PSMA1: variants seen among roughly 807,000 people sequenced by gnomAD.
PSMA1 encodes the protein proteasome 20S subunit alpha 1.
In PSMA1, 3 loss-of-function variants were observed where a neutral mutation model predicts 38.4. That is an observed-to-expected ratio of 0.08 (90% CI 0.04 to 0.20). The LOEUF (loss-of-function observed/expected upper bound fraction) is 0.20. Ranked by LOEUF, PSMA1 falls within the 10% of genes least tolerant of loss-of-function variation. The probability of loss-of-function intolerance (pLI) is 1.00; values close to 1 mark genes in which losing one functional copy is unlikely to be tolerated. For missense variants in PSMA1, 227 were observed against 325.3 expected, an observed-to-expected ratio of 0.70 and a Z score of 2.32; for synonymous variants, 101 against 107.1, an observed-to-expected ratio of 0.94 and a Z score of 0.35.
intron 2 of PSMA1, among the ~76,000 whole-genome samples, chr11:14,532,282 G>T (rs1851655786): frequency 6.6e-6 from 1 of 152,130 alleles, no homozygotes; most frequent in South Asian, 2.1e-4. Flanking sequence ...ACAGCTTACA[G>T]CTGGTTTTAT....
intron 2 of PSMA1, among the ~76,000 whole-genome samples, chr11:14,597,157 T>C (rs551426797): frequency 1.3e-5 from 2 of 152,342 alleles, no homozygotes; most frequent in South Asian, 4.1e-4. Context: ...CAGTATTTTA[T>C]TGAAGATTTT....
intron 2 of PSMA1, among the ~76,000 whole-genome samples, chr11:14,518,374 C>A (rs1015510781): frequency 2.0e-5 from 3 of 152,154 alleles, no homozygotes; most frequent in Non-Finnish European, 2.9e-5. Context: ...GCTGGGATTA[C>A]AGGCATGAGC....
intron 1 of PSMA1, among the ~76,000 whole-genome samples, chr11:14,643,026 G>A (rs1853238251): frequency 6.6e-6 from 1 of 152,006 alleles, no homozygotes; most frequent in Admixed American, 6.6e-5. Context: ...CGGCGGATAT[G>A]TATGACAAGG....
intron 2 of PSMA1, among the ~76,000 whole-genome samples, chr11:14,578,310 C>T (rs1417261719): frequency 6.6e-6 from 1 of 152,158 alleles, no homozygotes; most frequent in Non-Finnish European, 1.5e-5. Flanking sequence ...AGAATTGCTT[C>T]ACATAAACAG....
Position 14,565,427 on chromosome 11 carries a change from T to C in PSMA1, c.21+45539A>G, listed in dbSNP as rs1185429568. Among the ~76,000 whole-genome samples the C allele has an allele frequency of 2.0e-5, 3 of 152,220 alleles. No homozygotes were observed. The East Asian group carries it at 5.8e-4, about 29-fold the overall frequency. On this transcript the variant is annotated intron_variant, in intron 2 of 10. Coordinates refer to the PSMA1 transcript ENST00000418988. ...TGTTATATTTCCTTCATTTGCTTTG[T>C]GTTTATTTTATTCGCTTTTTCTAGG...
intron 8 of PSMA1, among the ~76,000 whole-genome samples, chr11:14,508,980 T>G (rs1851296533): frequency 6.6e-6 from 1 of 152,198 alleles, no homozygotes; most frequent in African/African-American, 2.4e-5. Flanking sequence ...GTCCTCACAA[T>G]GCTTGTCTAA....
At chr11:14,571,515 A>G (rs1022184271) in intron 2 of PSMA1, among the ~76,000 whole-genome samples, 2 of 152,238 alleles carry the variant, frequency 1.3e-5, no homozygotes, top group Non-Finnish European at 2.9e-5. Flanking sequence ...TGAAGGAAGC[A>G]TTAAACATGG....
At chr11:14,555,169 A>ATAGC (rs1440213741) in intron 2 of PSMA1, among the ~76,000 whole-genome samples, 1 of 152,246 alleles carries the variant, frequency 6.6e-6, no homozygotes, top group African/African-American at 2.4e-5. Context: ...AGTACCAGGA[A>ATAGC]TAGCTATATT....
At chr11:14,569,173 A>G (rs972771957) in intron 2 of PSMA1, among the ~76,000 whole-genome samples, 1 of 152,178 alleles carries the variant, frequency 6.6e-6, no homozygotes, top group Non-Finnish European at 1.5e-5. Flanking sequence ...TCAGGCTGCA[A>G]ATTTTCTGAA....
At chr11:14,527,547 G>A (rs937795132) in intron 2 of PSMA1, among the ~76,000 whole-genome samples, 6 of 152,110 alleles carry the variant, frequency 3.9e-5, no homozygotes, top group African/African-American at 1.2e-4. Context: ...CTCAGGGATT[G>A]TTCAGGCCCC....
chr11:14,542,216 G>A (rs929489626), intron 2 of PSMA1, among the ~76,000 whole-genome samples: 4 of 152,086 alleles, frequency 2.6e-5, no homozygotes, highest in Admixed American at 6.6e-5. Flanking sequence ...TAAAAGCAAA[G>A]ATTTGATTGT....
intron 2 of PSMA1, among the ~76,000 whole-genome samples, chr11:14,588,542 G>A: frequency 6.6e-6 from 1 of 152,260 alleles, no homozygotes; most frequent in Admixed American, 6.5e-5. Context: ...CCATTATCAA[G>A]TTCTTACTAT....
chr11:14,574,325 C>T (rs1303367150), intron 2 of PSMA1, among the ~76,000 whole-genome samples: 1 of 152,190 alleles, frequency 6.6e-6, no homozygotes, highest in Non-Finnish European at 1.5e-5. Flanking sequence ...CTCCCTACAT[C>T]CCAGCCACTC....
chr11:14,521,640 G>A (rs546498507), upstream of PSMA1, among the ~76,000 whole-genome samples: 5 of 151,644 alleles, frequency 3.3e-5, no homozygotes, highest in East Asian at 9.7e-4. Flanking sequence ...AAAATTAGCC[G>A]GGCGTGGTGG....
chr11:14,600,296 G>A (rs1395376614), intron 2 of PSMA1, among the ~76,000 whole-genome samples: 2 of 152,228 alleles, frequency 1.3e-5, no homozygotes, highest in African/African-American at 2.4e-5. Flanking sequence ...AGACAGGGAC[G>A]TTTAAGTCTG....
intron 2 of PSMA1, among the ~76,000 whole-genome samples, chr11:14,532,257 A>G (rs1217778094): frequency 6.6e-6 from 1 of 152,206 alleles, no homozygotes; most frequent in Non-Finnish European, 1.5e-5. Context: ...CGACCTGTTC[A>G]AATATATAGG....
chr11:14,560,380 GTGT>G (rs1565044872), intron 2 of PSMA1, among the ~76,000 whole-genome samples: 1 of 152,166 alleles, frequency 6.6e-6, no homozygotes, highest in African/African-American at 2.4e-5. Context: ...GATACTCATT[GTGT>G]TCCTGTTCTA....
At position 14,584,509 on chromosome 11, in the gene PSMA1, T is replaced by G. The variant is rs866703388; in HGVS notation, c.21+26457A>C. On this transcript the variant is annotated intron_variant, in intron 2 of 10. Transcript: ENST00000418988. Reference sequence around the variant, plus strand: ...TTGGAGTGTTTTTTTTGTTTTTTGTTTTTTTTTTTTTTTTTTTTAAAGACT... The same window carrying G: ...TTGGAGTGTTTTTTTTGTTTTTTGTGTTTTTTTTTTTTTTTTTTAAAGACT... Among the ~76,000 whole-genome samples the G allele has an allele frequency of 3.2e-3, 452 of 139,920 alleles. 1 individual carries two copies. The highest frequency in any genetic ancestry group is 0.011 in the Middle Eastern group (3 of 272). 91.8% of individuals were successfully genotyped at this position (139,920 alleles called of 152,430 possible). A position where few individuals can be genotyped will look rare whatever the true frequency, so the allele number is the denominator to read the frequency against.
intron 1 of PSMA1, among the ~76,000 whole-genome samples, chr11:14,612,558 T>A (rs923341078): frequency 2.0e-5 from 3 of 152,182 alleles, no homozygotes; most frequent in Non-Finnish European, 4.4e-5. Context: ...ATGGAGCAGT[T>A]TCTTAATTCA....
Sources: allele counts gnomAD v4.1 joint callset (sites outside exome capture counted in the v4.1 genomes callset), GRCh38; gene constraint gnomAD v4.1.1; transcripts MANE v1.5; gene names NCBI Gene and HGNC (gene_info 2026-07-23, HGNC 2026-07-21).